The following ADARB2 variants were observed in gnomAD, a reference collection of about 807,000 sequenced individuals.
ADARB2 encodes the protein adenosine deaminase RNA specific B2 (inactive), also known as inactive double-stranded RNA-specific editase B2.
In ADARB2, 25 loss-of-function variants were observed where a neutral mutation model predicts 62.2. The observed-to-expected ratio is 0.40, with a 90% CI of 0.29 to 0.56. The LOEUF (loss-of-function observed/expected upper bound fraction) is 0.56. Ranked by LOEUF, ADARB2 falls within the 20% of genes least tolerant of loss-of-function variation. The pLI, the probability that ADARB2 is intolerant of heterozygous loss-of-function variation, is 0.43. For missense variants in ADARB2, 1,071 were observed against 1,077.4 expected (o/e 0.99, Z 0.08); for synonymous variants, 572 against 500.8 (o/e 1.14, Z -1.90).
intron 1 of ADARB2, among the ~76,000 whole-genome samples, chr10:1,589,571 G>C (rs993077545): frequency 1.3e-5 from 2 of 152,214 alleles, no homozygotes; most frequent in African/African-American, 4.8e-5. Flanking sequence ...CATGGGCCCC[G>C]CCTCTTTGGC....
chr10:1,730,388 C>A (rs1588369541), intron 1 of ADARB2, among the ~76,000 whole-genome samples: 1 of 152,326 alleles, frequency 6.6e-6, no homozygotes, highest in South Asian at 2.1e-4. Flanking sequence ...TGCTTGTACA[C>A]AGTGTGGCCC....
intron 1 of ADARB2, among the ~76,000 whole-genome samples, chr10:1,396,303 C>A (rs1250451993): frequency 3.3e-5 from 5 of 152,182 alleles, no homozygotes; most frequent in Non-Finnish European, 5.9e-5. Context: ...GTCCCCACCC[C>A]CTCGGTGACC....
chr10:1,490,260 G>A (rs372640274), intron 1 of ADARB2, among the ~76,000 whole-genome samples: 1 of 152,108 alleles, frequency 6.6e-6, no homozygotes, highest in South Asian at 2.1e-4. Flanking sequence ...GCAATAATGG[G>A]ATGATAATAG....
chr10:1,337,837 G>A (rs935694274), intron 3 of ADARB2, among the ~76,000 whole-genome samples: 1 of 152,208 alleles, frequency 6.6e-6, no homozygotes, highest in Non-Finnish European at 1.5e-5. Context: ...GACTATAAAA[G>A]GGGGTGCCAT....
intron 3 of ADARB2, among the ~76,000 whole-genome samples, chr10:1,339,012 T>C (rs185846657): frequency 6.6e-6 from 1 of 152,366 alleles, no homozygotes; most frequent in East Asian, 1.9e-4. Context: ...GCATCGCTTC[T>C]CTTGAGAGGC....
intron 1 of ADARB2, among the ~76,000 whole-genome samples, chr10:1,453,675 T>C (rs1831063944): frequency 6.6e-6 from 1 of 152,046 alleles, no homozygotes; most frequent in African/African-American, 2.4e-5. Context: ...AGAATCTAAT[T>C]AAAAAATAGG....
intron 1 of ADARB2, among the ~76,000 whole-genome samples, chr10:1,550,409 T>C (rs988265724): frequency 6.6e-5 from 10 of 152,278 alleles, no homozygotes; most frequent in Non-Finnish European, 2.9e-5. Context: ...AGAGTCTCAG[T>C]GTAATTGCAC....
intron 5 of ADARB2, among the ~76,000 whole-genome samples, chr10:1,239,809 T>C (rs200668526): frequency 5.5e-4 from 4 of 7,268 alleles, no homozygotes; most frequent in Non-Finnish European, 9.4e-4. Context: ...TCCCGGTGTT[T>C]ACTCCCCTCT....
At position 1,601,189 on chromosome 10, in the gene ADARB2, A is replaced by T. The variant is rs1376024502; in HGVS notation, c.100+135862T>A. Among the ~76,000 whole-genome samples the T allele has an allele frequency of 2.0e-5, 3 of 152,204 alleles. No homozygotes were observed. The East Asian group carries it at 5.8e-4, about 29-fold the overall frequency. ...ACCCAACTCATAAAGTCACAGAGAC[A>T]CCACGTGTGGCTCAGAGACTCAGTG... On this transcript the variant is annotated intron_variant, in intron 1 of 9. Coordinates refer to ENST00000381312, the MANE Select transcript of ADARB2 (RefSeq NM_018702.4).
intron 1 of ADARB2, among the ~76,000 whole-genome samples, chr10:1,444,934 T>C (rs1210076049): frequency 7.0e-6 from 1 of 143,222 alleles, no homozygotes; most frequent in Non-Finnish European, 1.5e-5. Flanking sequence ...CTTCCATCTA[T>C]CAATCCATCC....
At chr10:1,682,109 A>T (rs147248949) in intron 1 of ADARB2, among the ~76,000 whole-genome samples, 1 of 152,334 alleles carries the variant, frequency 6.6e-6, no homozygotes, top group Non-Finnish European at 1.5e-5. Context: ...TCTTAAACAG[A>T]ATCACTTAAC....
At chr10:1,696,150 G>A (rs62634822) in intron 1 of ADARB2, among the ~76,000 whole-genome samples, 10,690 of 152,092 alleles carry the variant, frequency 0.07, 440 homozygotes, top group East Asian at 0.19. Flanking sequence ...TGTATATTGT[G>A]TGTATGTGTT....
At chr10:1,577,754 C>G (rs1325142232) in intron 1 of ADARB2, among the ~76,000 whole-genome samples, 1 of 152,216 alleles carries the variant, frequency 6.6e-6, no homozygotes, top group Non-Finnish European at 1.5e-5. Flanking sequence ...CCCCCAAAGT[C>G]CCATGCTGAA....
chr10:1,233,848 A>T lies in ADARB2; in HGVS notation c.1362-3T>A. The T allele has an allele frequency of 6.2e-7, 1 of 1,612,388 alleles. No homozygotes were observed. The highest frequency in any genetic ancestry group is 1.3e-5 in the African/African-American group (1 of 74,964). On this transcript the variant is annotated splice_region_variant and splice_polypyrimidine_tract_variant and intron_variant, in intron 5 of 9. Coordinates refer to ENST00000381312, the MANE Select transcript of ADARB2 (RefSeq NM_018702.4). ...GCTCTGAGTCCTCGCGCCGCTTGCT[A>T]GGGTCACAAAGAGGTTTGGGGTCAT...
chr10:1,358,957 CAGAA>C (rs1832223451), intron 3 of ADARB2, among the ~76,000 whole-genome samples: 1 of 152,102 alleles, frequency 6.6e-6, no homozygotes, highest in Non-Finnish European at 1.5e-5. Flanking sequence ...ATAGTTTTCA[CAGAA>C]AGAAAATGCT....
chr10:1,705,880 T>C (rs948698130), intron 1 of ADARB2, among the ~76,000 whole-genome samples: 1 of 152,206 alleles, frequency 6.6e-6, no homozygotes, highest in African/African-American at 2.4e-5. Flanking sequence ...TTTTTTTTTC[T>C]CTTAAGTATT....
chr10:1,736,249 C>T (rs1835299064), intron 1 of ADARB2, among the ~76,000 whole-genome samples: 1 of 152,238 alleles, frequency 6.6e-6, no homozygotes, highest in Non-Finnish European at 1.5e-5. Context: ...GCACTGGGGG[C>T]ATTGCTCTCA....
intron 1 of ADARB2, among the ~76,000 whole-genome samples, chr10:1,543,252 A>G (rs1832466615): frequency 2.0e-5 from 3 of 152,210 alleles, no homozygotes; most frequent in Non-Finnish European, 4.4e-5. Context: ...CCTCATCTGG[A>G]GGGCTGCGCC....
At chr10:1,327,415 C>G (rs1831875963) in intron 3 of ADARB2, among the ~76,000 whole-genome samples, 1 of 92,246 alleles carries the variant, frequency 1.1e-5, no homozygotes, top group South Asian at 3.2e-4. Flanking sequence ...CTCCCCACTG[C>G]CCAGCGCCTC....
Sources: allele counts gnomAD v4.1 joint callset (sites outside exome capture counted in the v4.1 genomes callset), GRCh38; gene constraint gnomAD v4.1.1; transcripts MANE v1.5; gene names NCBI Gene and HGNC (gene_info 2026-07-23, HGNC 2026-07-21).